The following SLC13A3 variants were observed in gnomAD, a reference collection of about 807,000 sequenced individuals.
SLC13A3 encodes the protein Na(+)/dicarboxylate cotransporter 3.
SLC13A3 carries 40 observed loss-of-function variants against 59.0 expected under a neutral mutation model. The observed-to-expected ratio is 0.68, with a 90% CI of 0.53 to 0.88. The LOEUF (loss-of-function observed/expected upper bound fraction) is 0.88. Ranked by LOEUF, SLC13A3 falls within the 40% of genes least tolerant of loss-of-function variation. The pLI is 0.00. For synonymous variants in SLC13A3, 317 were observed against 330.3 expected (o/e 0.96, Z 0.44); for missense variants, 699 against 783.2 (o/e 0.89, Z 1.28).
At chr20:46,680,240 G>C (rs958658289) in intron 1 of SLC13A3, among the ~76,000 whole-genome samples, 1 of 152,204 alleles carries the variant, frequency 6.6e-6, no homozygotes, top group Non-Finnish European at 1.5e-5. Context: ...GGCAAGGTGG[G>C]AAAGTGCGTC....
rs764103453 is a variant in SLC13A3, at chr20:46,566,222, C to T, written c.1494+7G>A. On this transcript the variant is annotated splice_region_variant and intron_variant, in intron 11 of 12. Transcript: ENST00000279027. ...GGTGCTCCCCTCTTCCCCAGAAGGACCCTCACCAGCTCTGCCAGGACCGGC... is the reference window on the plus strand; with the variant it reads ...GGTGCTCCCCTCTTCCCCAGAAGGATCCTCACCAGCTCTGCCAGGACCGGC... The T allele has an allele frequency of 6.2e-6, 10 of 1,612,222 alleles. No individual in the cohort carries two copies. In the East Asian group the frequency reaches 8.9e-5, roughly 14 times the overall value.
intron 7 of SLC13A3, among the ~76,000 whole-genome samples, chr20:46,588,466 A>T (rs2062217071): frequency 6.6e-6 from 1 of 152,168 alleles, no homozygotes. Context: ...ACGGAAAATC[A>T]AGAAAGTGAG....
chr20:46,597,579 G>A (rs1056549951), intron 4 of SLC13A3, among the ~76,000 whole-genome samples: 1 of 152,072 alleles, frequency 6.6e-6, no homozygotes, highest in African/African-American at 2.4e-5. Context: ...TGAGATTATA[G>A]GTGCCCACCA....
rs965911889 is a variant in SLC13A3 at position 46,582,880 on chromosome 20, C to T, written c.1219+692G>A. 18 of 985,386 alleles carry T rather than the reference C, an allele frequency of 1.8e-5. No homozygotes were observed. The South Asian group carries it at 3.8e-4, about 21-fold the overall frequency. 61.0% of individuals were successfully genotyped at this position (985,386 alleles called of 1,614,324 possible). On this transcript the variant is annotated intron_variant, in intron 9 of 12. Coordinates refer to ENST00000279027, the MANE Select transcript of SLC13A3 (RefSeq NM_022829.6). ...ATCTGCTGGACACCGGAGGGAGTCG[C>T]AAGCTGGCAATCTGAAGGCCACAGT...
intron 10 of SLC13A3, among the ~76,000 whole-genome samples, chr20:46,573,261 G>A (rs1022116621): frequency 2.6e-5 from 4 of 152,154 alleles, no homozygotes; most frequent in East Asian, 1.9e-4. Flanking sequence ...GAGTGCAGTC[G>A]GCTGTCTCAG....
chr20:46,608,785 C>T (rs1306212995), intron 3 of SLC13A3: 1 of 1,362,040 alleles, frequency 7.3e-7, no homozygotes, highest in East Asian at 2.5e-5. Context: ...CCTATGGTTT[C>T]ATGGATAATG....
intron 1 of SLC13A3, among the ~76,000 whole-genome samples, chr20:46,662,552 G>C (rs536258194): frequency 6.6e-6 from 1 of 152,296 alleles, no homozygotes; most frequent in South Asian, 2.1e-4. Flanking sequence ...ATTACAAAAA[G>C]GAAGTAAGCA....
upstream of SLC13A3, among the ~76,000 whole-genome samples, chr20:46,655,087 T>C (rs929411928): frequency 1.3e-5 from 2 of 152,136 alleles, no homozygotes; most frequent in African/African-American, 2.4e-5. Flanking sequence ...CTTGAATAAA[T>C]ATTTTCCAAG....
chr20:46,657,372 C>CA (rs35578835), intron 1 of SLC13A3, among the ~76,000 whole-genome samples: 8,451 of 129,640 alleles, frequency 0.065, 284 homozygotes, highest in Middle Eastern at 0.098. Flanking sequence ...GAAAATGTCT[C>CA]AAAAAAAAAA....
At chr20:46,676,411 C>A (rs1285736118) in intron 1 of SLC13A3, among the ~76,000 whole-genome samples, 1 of 108,522 alleles carries the variant, frequency 9.2e-6, no homozygotes, top group African/African-American at 4.0e-5. Flanking sequence ...TCTCTCAACT[C>A]TTTTTTTTTT....
intron 9 of SLC13A3, among the ~76,000 whole-genome samples, chr20:46,577,699 A>G (rs1410408942): frequency 1.3e-5 from 2 of 152,196 alleles, no homozygotes; most frequent in African/African-American, 4.8e-5. Context: ...TCTCATAAGC[A>G]CAATCTCTGA....
chr20:46,656,923 T>C (rs2062998142), intron 1 of SLC13A3, among the ~76,000 whole-genome samples: 1 of 152,166 alleles, frequency 6.6e-6, no homozygotes, highest in South Asian at 2.1e-4. Flanking sequence ...TATAATATTC[T>C]TCAGTTATAC....
intron 1 of SLC13A3, among the ~76,000 whole-genome samples, chr20:46,631,797 G>C (rs2062740810): frequency 6.6e-6 from 1 of 152,038 alleles, no homozygotes; most frequent in South Asian, 2.1e-4. Context: ...TGGAGAGAGA[G>C]AGAAAAAAAT....
intron 12 of SLC13A3, 104 bp downstream of exon 12, chr20:46,563,310 T>C (rs968694149): frequency 7.5e-7 from 1 of 1,329,114 alleles, no homozygotes; most frequent in Non-Finnish European, 1.0e-6. Flanking sequence ...ATTCAGAGAC[T>C]GGGGAGTGGG....
intron 9 of SLC13A3, among the ~76,000 whole-genome samples, chr20:46,582,162 A>G (rs2062145495): frequency 6.6e-6 from 1 of 152,110 alleles, no homozygotes; most frequent in Non-Finnish European, 1.5e-5. Flanking sequence ...TCACTCTGTC[A>G]CCCAGGCTGG....
upstream of SLC13A3, among the ~76,000 whole-genome samples, chr20:46,655,523 A>G (rs994756225): frequency 2.0e-5 from 3 of 147,626 alleles, no homozygotes; most frequent in Admixed American, 6.8e-5. Flanking sequence ...ATATTTTTAT[A>G]TAGTATATAT....
At chr20:46,649,640 G>A (rs2062933463) in intron 1 of SLC13A3, among the ~76,000 whole-genome samples, 1 of 152,178 alleles carries the variant, frequency 6.6e-6, no homozygotes, top group Non-Finnish European at 1.5e-5. Flanking sequence ...ATCAATCCCA[G>A]AAGCTAGCGG....
chr20:46,579,872 G>A (rs1285591677), intron 9 of SLC13A3, among the ~76,000 whole-genome samples: 1 of 152,160 alleles, frequency 6.6e-6, no homozygotes, highest in Non-Finnish European at 1.5e-5. Context: ...ACAATCAGTG[G>A]AAGCTAAGTA....
chr20:46,642,767 C>T (rs1358348309), intron 1 of SLC13A3, among the ~76,000 whole-genome samples: 1 of 152,230 alleles, frequency 6.6e-6, no homozygotes, highest in African/African-American at 2.4e-5. Flanking sequence ...GATTGCCAAC[C>T]TGGCTCTCGA....
Sources: gnomAD v4.1 joint callset for allele counts (sites outside exome capture counted in the v4.1 genomes callset) on GRCh38, gnomAD v4.1.1 for gene constraint, MANE v1.5 for transcripts, NCBI Gene and HGNC (gene_info 2026-07-23, HGNC 2026-07-21) for gene names.